The following ERCC6L2 variants were observed in gnomAD, a reference collection of about 807,000 sequenced individuals.
ERCC6L2 encodes the protein DNA excision repair protein ERCC-6-like 2.
Under a neutral mutation model 132.0 loss-of-function variants are expected in ERCC6L2, and 77 were observed. The observed-to-expected ratio is 0.58, with a 90% CI of 0.49 to 0.71. The LOEUF (loss-of-function observed/expected upper bound fraction) is 0.71. Among genes scored for constraint, ERCC6L2 ranks in the 30% least tolerant of loss-of-function variants. The probability of loss-of-function intolerance (pLI) is 0.00; values close to 1 mark genes in which losing one functional copy is unlikely to be tolerated. For synonymous variants in ERCC6L2, 583 were observed against 632.4 expected (o/e 0.92, Z 1.17); for missense variants, 1,542 against 1,837.6 (o/e 0.84, Z 2.94).
At chr9:95,911,408 G>GT (rs1829333501) in intron 4 of ERCC6L2, among the ~76,000 whole-genome samples, 2 of 151,952 alleles carry the variant, frequency 1.3e-5, no homozygotes, top group African/African-American at 2.4e-5. Context: ...CCAAATAAAT[G>GT]TTTTTTAGGT....
chr9:95,900,448 GT>G, intron 3 of ERCC6L2, among the ~76,000 whole-genome samples: 1 of 151,650 alleles, frequency 6.6e-6, no homozygotes, highest in Non-Finnish European at 1.5e-5. Flanking sequence ...TTAATATGTA[GT>G]TTTTTCGTTA....
chr9:96,008,699 AC>A (rs1289449245), intron 18 of ERCC6L2, among the ~76,000 whole-genome samples: 2 of 152,208 alleles, frequency 1.3e-5, no homozygotes, highest in Non-Finnish European at 2.9e-5. Flanking sequence ...ATGAAGGCAC[AC>A]CCAGTGACCC....
intron 17 of ERCC6L2, 124 bp downstream of exon 17, chr9:95,978,339 A>C: frequency 1.9e-6 from 1 of 520,548 alleles, no homozygotes; most frequent in Non-Finnish European, 2.8e-6. Context: ...CATACAAATA[A>C]GTGTAAAAAT....
At chr9:96,004,199 C>T (rs903793710) in intron 17 of ERCC6L2, among the ~76,000 whole-genome samples, 6 of 152,064 alleles carry the variant, frequency 3.9e-5, no homozygotes, top group African/African-American at 1.5e-4. Context: ...CATGTTTATG[C>T]CATAGTGTAT....
chr9:96,032,307 C>A (rs1357132573), intron 19 of ERCC6L2, among the ~76,000 whole-genome samples: 1 of 152,158 alleles, frequency 6.6e-6, no homozygotes, highest in South Asian at 2.1e-4. Flanking sequence ...GGGCAGCTGC[C>A]GCTAGGCCAG....
chr9:95,875,909 G>C lies in ERCC6L2; in HGVS notation c.-130G>C. The C allele has an allele frequency of 1.3e-5, 13 of 997,568 alleles. No individual in the cohort carries two copies. Among genetic ancestry groups the C allele is most frequent in the Non-Finnish European group, 1.9e-5 (13 of 669,004 alleles). 61.8% of individuals were successfully genotyped at this position (997,568 alleles called of 1,614,324 possible). A position where few individuals can be genotyped will look rare whatever the true frequency, so the allele number is the denominator to read the frequency against. ...CTCCATCCTGTGGCTTCGGGTTGCC[G>C]AAGAGCGATGCTCGGAGGGCGGCCG... On this transcript the variant is annotated 5_prime_UTR_variant, in exon 1 of 19. Transcript: ENST00000653738.
rs150448707 is a variant in ERCC6L2, at chr9:95,932,901, C to G, written c.1751+4037C>G. Reference sequence around the variant, plus strand: ...AAATTTTTTTTGCTTAACAAGTAACCCTTTGCTGTTAACCATGTAAGAACA... The same window carrying G: ...AAATTTTTTTTGCTTAACAAGTAACGCTTTGCTGTTAACCATGTAAGAACA... On this transcript the variant is annotated intron_variant, in intron 11 of 18. Coordinates refer to ENST00000653738, the MANE Select transcript of ERCC6L2 (RefSeq NM_020207.7). Among the ~76,000 whole-genome samples the G allele has an allele frequency of 4.1e-3, 622 of 152,180 alleles. 7 individuals carry two copies. Among genetic ancestry groups the G allele is most frequent in the African/African-American group, 0.014 (594 of 41,514 alleles).
Position 95,880,945 on chromosome 9 carries a change from T to C in ERCC6L2, c.123T>C (p.Ser41=), listed in dbSNP as rs1403999188. ...NGKLCEASIK[S]ITVDENGKSF... The stretch of plus-strand genomic sequence containing the variant: ...AACTTTGTGAAGCAAGCATAAAATC[T>C]ATCACAGTGGATGAAAATGGCAAGT... Residue 41 remains serine, a synonymous_variant, in exon 2 of 19, where the codon TCT becomes TCC. Coordinates refer to ENST00000653738, the MANE Select transcript of ERCC6L2 (RefSeq NM_020207.7). 1 of 1,613,900 alleles carries C rather than the reference T, an allele frequency of 6.2e-7. No homozygotes were observed. Among genetic ancestry groups the C allele is most frequent in the Non-Finnish European group, 8.5e-7 (1 of 1,179,944 alleles).
chr9:95,991,896 A>C (rs1191173831), intron 17 of ERCC6L2, among the ~76,000 whole-genome samples: 1 of 152,214 alleles, frequency 6.6e-6, no homozygotes, highest in Non-Finnish European at 1.5e-5. Flanking sequence ...TTTTACTGAA[A>C]GGTTTCAGAT....
intron 11 of ERCC6L2, 129 bp from the exon 12 acceptor site, chr9:95,941,325 C>A: frequency 1.8e-6 from 1 of 568,020 alleles, no homozygotes; most frequent in Non-Finnish European, 3.1e-6. Flanking sequence ...TTTTAATCAC[C>A]ACCTTACTTT....
At chr9:96,028,388 G>T (rs1231798907) in intron 19 of ERCC6L2, among the ~76,000 whole-genome samples, 1 of 152,148 alleles carries the variant, frequency 6.6e-6, no homozygotes, top group Non-Finnish European at 1.5e-5. Context: ...GCCCTCTCCT[G>T]TGAAAGGTCC....
intron 2 of ERCC6L2, 126 bp from the exon 3 acceptor site, chr9:95,897,723 G>T: frequency 1.0e-6 from 1 of 975,076 alleles, no homozygotes; most frequent in Non-Finnish European, 1.5e-6. Context: ...AATATTTCAT[G>T]TTCTATTTCC....
At chr9:95,957,554 T>C (rs374671663) in intron 13 of ERCC6L2, among the ~76,000 whole-genome samples, 1 of 152,042 alleles carries the variant, frequency 6.6e-6, no homozygotes. Flanking sequence ...CAAGTAAGAG[T>C]CTTTCCTCAA....
chr9:95,950,163 T>C (rs1831265217), intron 12 of ERCC6L2, among the ~76,000 whole-genome samples: 1 of 152,226 alleles, frequency 6.6e-6, no homozygotes, highest in African/African-American at 2.4e-5. Flanking sequence ...TAATTTTGGC[T>C]TATAACTCTG....
At chr9:95,994,095 G>T (rs1466496835) in intron 17 of ERCC6L2, among the ~76,000 whole-genome samples, 1 of 152,116 alleles carries the variant, frequency 6.6e-6, no homozygotes, top group Non-Finnish European at 1.5e-5. Context: ...TGATGTTGAG[G>T]ATTTTCATAC....
At chr9:95,935,179 G>C (rs545085632) in intron 11 of ERCC6L2, among the ~76,000 whole-genome samples, 3 of 152,232 alleles carry the variant, frequency 2.0e-5, no homozygotes, top group Admixed American at 6.5e-5. Flanking sequence ...TTAAGAAATA[G>C]ATAGATCAAA....
chr9:95,880,013 C>T (rs1827503556), intron 1 of ERCC6L2, among the ~76,000 whole-genome samples: 1 of 152,066 alleles, frequency 6.6e-6, no homozygotes, highest in African/African-American at 2.4e-5. Flanking sequence ...TGTGGACTCC[C>T]TCCTCATTCA....
At chr9:95,984,759 A>G (rs1833033262) in intron 17 of ERCC6L2, among the ~76,000 whole-genome samples, 1 of 152,212 alleles carries the variant, frequency 6.6e-6, no homozygotes, top group Non-Finnish European at 1.5e-5. Context: ...CTTGTGGGAT[A>G]AAGTCAGGTT....
At chr9:96,007,394 A>G (rs1833895769) in intron 18 of ERCC6L2, among the ~76,000 whole-genome samples, 1 of 152,260 alleles carries the variant, frequency 6.6e-6, no homozygotes, top group Non-Finnish European at 1.5e-5. Flanking sequence ...GTTATCAAGA[A>G]TGATGGCAAG....
Sources: gnomAD v4.1 joint callset for allele counts (sites outside exome capture counted in the v4.1 genomes callset) on GRCh38, gnomAD v4.1.1 for gene constraint, MANE v1.5 for transcripts, NCBI Gene and HGNC (gene_info 2026-07-23, HGNC 2026-07-21) for gene names.